Variants in CSTPP1 observed in about 807,000 individuals in gnomAD.
CSTPP1 encodes centriolar satellite-associated tubulin polyglutamylase complex regulator 1, also known as UPF0705 protein C11orf49.
At chr11:47,038,047 C>T in the CSTPP1 span, among the ~76,000 whole-genome samples, 2 of 110,090 alleles carry the variant, frequency 1.8e-5, no homozygotes. Flanking sequence ...CCAGTAGGGG[C>T]GGCCGGGCAG....
chr11:46,951,973 C>T, the CSTPP1 span, among the ~76,000 whole-genome samples: 1 of 152,202 alleles, frequency 6.6e-6, no homozygotes, highest in Non-Finnish European at 1.5e-5. Context: ...TTGAGGTCTA[C>T]TGAGGTTTGT....
the CSTPP1 span, among the ~76,000 whole-genome samples, chr11:46,938,287 C>T: frequency 6.7e-6 from 1 of 150,154 alleles, no homozygotes; most frequent in Admixed American, 6.7e-5. Flanking sequence ...TAGTGTGGTA[C>T]ATTTGTTACA....
At chr11:47,137,256 G>A in the CSTPP1 span, 24 of 1,295,524 alleles carry the variant, frequency 1.9e-5, no homozygotes, top group Admixed American at 2.3e-5. Context: ...GGTGGGAAAC[G>A]TTACCATGCC....
chr11:46,964,180 T>G, the CSTPP1 span, among the ~76,000 whole-genome samples: 1 of 152,170 alleles, frequency 6.6e-6, no homozygotes, highest in East Asian at 1.9e-4. Context: ...CCTTGTGATA[T>G]GGCAGCTTTT....
chr11:47,123,389 C>G, the CSTPP1 span: 1 of 152,168 alleles, frequency 6.6e-6, no homozygotes, highest in Non-Finnish European at 1.5e-5. Context: ...TGGGAAATAT[C>G]TTAATGTTTT....
the CSTPP1 span, among the ~76,000 whole-genome samples, chr11:47,010,688 A>G: frequency 4.6e-5 from 7 of 152,212 alleles, no homozygotes; most frequent in South Asian, 2.1e-4. Context: ...TTCTTGAGTC[A>G]TTTAGGAATG....
the CSTPP1 span, among the ~76,000 whole-genome samples, chr11:47,038,848 T>G: frequency 7.2e-5 from 7 of 96,684 alleles, no homozygotes; most frequent in African/African-American, 1.6e-4. Context: ...AGGCAGAGGG[T>G]CTCCTCACTT....
the CSTPP1 span, chr11:47,137,225 G>A: frequency 6.5e-6 from 8 of 1,231,548 alleles, no homozygotes; most frequent in Non-Finnish European, 7.5e-6. Flanking sequence ...CAGATATTCT[G>A]TGGATGGTCT....
At chr11:47,061,576 A>G in the CSTPP1 span, among the ~76,000 whole-genome samples, 88 of 152,286 alleles carry the variant, frequency 5.8e-4, no homozygotes, top group Non-Finnish European at 1.1e-3. Context: ...ATTAAAGAGC[A>G]ATTGTTGCTT....
the CSTPP1 span, among the ~76,000 whole-genome samples, chr11:47,016,403 A>C: frequency 9.2e-4 from 19 of 20,670 alleles, no homozygotes; most frequent in African/African-American, 4.4e-3. Flanking sequence ...AAAACAAAAA[A>C]CAAAAAACAA....
At chr11:47,017,888 G>A in the CSTPP1 span, among the ~76,000 whole-genome samples, 2 of 151,354 alleles carry the variant, frequency 1.3e-5, no homozygotes, top group East Asian at 2.0e-4. Flanking sequence ...GGCTGGTCTC[G>A]AACTCCTGGC....
the CSTPP1 span, among the ~76,000 whole-genome samples, chr11:47,140,823 G>A: frequency 6.6e-6 from 1 of 151,974 alleles, no homozygotes; most frequent in African/African-American, 2.4e-5. Flanking sequence ...ACTTAAGGCC[G>A]GGCACGGTGG....
the CSTPP1 span, among the ~76,000 whole-genome samples, chr11:46,964,976 A>AT: frequency 3.9e-5 from 6 of 152,116 alleles, no homozygotes; most frequent in Non-Finnish European, 8.8e-5. Context: ...AGGAAAAGGA[A>AT]TTGGTTAGTA....
the CSTPP1 span, among the ~76,000 whole-genome samples, chr11:47,066,109 T>G: frequency 3.2e-3 from 454 of 140,974 alleles, 3 homozygotes; most frequent in African/African-American, 0.01. Context: ...TTTTTTTTTT[T>G]TTTTTTTTGT....
At chr11:47,098,250 GT>G in the CSTPP1 span, among the ~76,000 whole-genome samples, 8 of 139,228 alleles carry the variant, frequency 5.7e-5, no homozygotes, top group Middle Eastern at 3.5e-3. Flanking sequence ...CTCCACTATT[GT>G]CCCATGACCC....
chr11:46,995,217 C>CA, the CSTPP1 span, among the ~76,000 whole-genome samples: 2 of 152,030 alleles, frequency 1.3e-5, no homozygotes, highest in African/African-American at 2.4e-5. Context: ...TTGATCTTTT[C>CA]AAAAAACCAG....
chr11:47,080,845 C>T, the CSTPP1 span, among the ~76,000 whole-genome samples: 8 of 151,686 alleles, frequency 5.3e-5, no homozygotes, highest in Non-Finnish European at 1.0e-4. Flanking sequence ...TCTGTCTCTA[C>T]AAAAAATACA....
At chr11:46,942,870 T>C in the CSTPP1 span, among the ~76,000 whole-genome samples, 1 of 152,206 alleles carries the variant, frequency 6.6e-6, no homozygotes, top group African/African-American at 2.4e-5. Context: ...CAGGGGTTCA[T>C]ACCCAGGTTT....
the CSTPP1 span, among the ~76,000 whole-genome samples, chr11:47,095,887 G>A: frequency 2.9e-3 from 443 of 152,126 alleles, 1 homozygote; most frequent in African/African-American, 9.8e-3. Context: ...CTTCAGTTTC[G>A]AGTAATTGTA....
Sources: gnomAD v4.1 joint callset for allele counts (sites outside exome capture counted in the v4.1 genomes callset) on GRCh38, gnomAD v4.1.1 for gene constraint, MANE v1.5 for transcripts, NCBI Gene and HGNC (gene_info 2026-07-23, HGNC 2026-07-21) for gene names.